NXF1: variants seen among roughly 807,000 people sequenced by gnomAD.
The protein encoded by NXF1 is mRNA export factor TAP.
Under a neutral mutation model 92.4 loss-of-function variants are expected in NXF1, and 43 were observed. The observed-to-expected ratio is 0.47, with a 90% CI of 0.36 to 0.60. NXF1 has a LOEUF of 0.60. Among genes scored for constraint, NXF1 ranks in the 20% least tolerant of loss-of-function variants. NXF1 has a pLI of 0.00. For synonymous variants in NXF1, 288 were observed against 292.2 expected, an observed-to-expected ratio of 0.99 and a Z score of 0.15; for missense variants, 576 against 793.0, an observed-to-expected ratio of 0.73 and a Z score of 3.29.
Position 62,794,246 on chromosome 11 carries a change from C to T in NXF1, c.1760+12G>A. ...TCAGTGCATCCCCATCCTACACATG[C>T]CCCGCACTCACTTCTGGGACCACTC... On this transcript the variant is annotated intron_variant, in intron 19 of 20. Transcript: ENST00000294172. The T allele has an allele frequency of 1.2e-6, 2 of 1,608,412 alleles. No homozygotes were observed. The highest frequency in any genetic ancestry group is 1.7e-6 in the Non-Finnish European group (2 of 1,175,296).
chr11:62,795,482 A>G (rs766123553), intron 17 of NXF1: 10 of 225,826 alleles, frequency 4.4e-5, no homozygotes. Flanking sequence ...CTCAAAAAAA[A>G]GTAATAACTA....
intron 18 of NXF1, 182 bp downstream of exon 18, chr11:62,794,753 G>A: frequency 1.6e-6 from 1 of 619,592 alleles, no homozygotes; most frequent in Non-Finnish European, 2.8e-6. Context: ...GAGCCAGGAT[G>A]AAAACCCAGA....
intron 19 of NXF1, among the ~76,000 whole-genome samples, chr11:62,793,226 G>A (rs575800499): frequency 6.6e-6 from 1 of 152,252 alleles, no homozygotes; most frequent in East Asian, 1.9e-4. Context: ...CTACAGGCGT[G>A]GAACGCCAAG....
chr11:62,797,117 T>C, intron 13 of NXF1, 66 bp downstream of exon 13: 1 of 1,356,462 alleles, frequency 7.4e-7, no homozygotes, highest in Non-Finnish European at 1.1e-6. Context: ...GATTGATGTG[T>C]GCCTGGGTCT....
chr11:62,800,559 C>A, intron 9 of NXF1, 73 bp from the exon 10 acceptor site: 1 of 945,650 alleles, frequency 1.1e-6, no homozygotes, highest in South Asian at 1.5e-5. Context: ...TACCCCCAGT[C>A]CCTACGCTTA....
intron 6 of NXF1, 41 bp from the exon 7 acceptor site, chr11:62,801,672 T>G: frequency 6.2e-7 from 1 of 1,601,746 alleles, no homozygotes; most frequent in Non-Finnish European, 8.6e-7. Flanking sequence ...TGGGTTTGTG[T>G]GTGGGGGGTG....
intron 13 of NXF1, 190 bp downstream of exon 13, chr11:62,796,993 G>C: frequency 1.7e-6 from 1 of 605,386 alleles, no homozygotes; most frequent in South Asian, 2.0e-5. Context: ...CTTGAACCCT[G>C]GGAGGCAGAG....
chr11:62,794,035 C>T (rs1342998475), intron 19 of NXF1, among the ~76,000 whole-genome samples: 3 of 151,390 alleles, frequency 2.0e-5, no homozygotes, highest in African/African-American at 4.9e-5. Flanking sequence ...AATAAGGTGG[C>T]ACATGCCTAT....
At chr11:62,799,616 G>A (rs2084457084) in intron 10 of NXF1, 2 of 985,734 alleles carry the variant, frequency 2.0e-6, no homozygotes, top group African/African-American at 3.5e-5. Context: ...GACGTGCAGT[G>A]TGTGAGTGAG....
chr11:62,804,333 C>A, intron 1 of NXF1: 1 of 577,646 alleles, frequency 1.7e-6, no homozygotes, highest in Non-Finnish European at 2.6e-6. Context: ...AGTGCAGACG[C>A]CAGTTACAAA....
intron 19 of NXF1, 121 bp from the exon 20 acceptor site, chr11:62,792,822 C>G (rs1210844772): frequency 2.6e-6 from 2 of 774,742 alleles, no homozygotes; most frequent in African/African-American, 3.5e-5. Context: ...CATCCTTGCA[C>G]TATTTATACA....
At chr11:62,795,824 G>A (rs1307868230) in intron 17 of NXF1, 77 bp downstream of exon 17, 3 of 1,340,090 alleles carry the variant, frequency 2.2e-6, no homozygotes, top group Non-Finnish European at 2.1e-6. Context: ...AAAGTAGCTG[G>A]GAAGCTAAGA....
intron 19 of NXF1, 128 bp downstream of exon 19, chr11:62,794,130 A>G (rs1408985337): frequency 1.3e-6 from 1 of 797,180 alleles, no homozygotes; most frequent in Non-Finnish European, 2.0e-6. Context: ...TCACCACTAT[A>G]CTCCAGCCTG....
At chr11:62,793,082 CTTTTTTTTT>C (rs5792271) in intron 19 of NXF1, among the ~76,000 whole-genome samples, 1 of 140,432 alleles carries the variant, frequency 7.1e-6, no homozygotes, top group African/African-American at 2.6e-5. Context: ...TTTCTGTTTG[CTTTTTTTTT>C]TTTTTTGAGA....
At position 62,801,805 on chromosome 11, in the gene NXF1, G is replaced by T. The variant is rs1359985213; in HGVS notation, c.573C>A (p.Ile191=). Residue 191 remains isoleucine, a synonymous_variant, in exon 6 of 21, where the codon ATC becomes ATA. Transcript: ENST00000294172. Reference sequence around the variant, plus strand: ...TAGTGTGGGGTGGAGCAGAAGAGTTGATGATGATAGATATCTGGAGGGAAG... The same window carrying T: ...TAGTGTGGGGTGGAGCAGAAGAGTTTATGATGATAGATATCTGGAGGGAAG... ...DRENRRISII[I]NSSAPPHTIL... The T allele has an allele frequency of 6.2e-7, 1 of 1,613,584 alleles. No homozygotes were observed. The highest frequency in any genetic ancestry group is 1.1e-5 in the South Asian group (1 of 91,060).
intron 7 of NXF1, 57 bp downstream of exon 7, chr11:62,801,505 C>A: frequency 6.2e-7 from 1 of 1,608,804 alleles, no homozygotes; most frequent in Non-Finnish European, 8.5e-7. Context: ...AACTTTCCCT[C>A]CCTGACAGAT....
chr11:62,797,172 G>A lies in NXF1; in HGVS notation c.1178+11C>T. On this transcript the variant is annotated intron_variant, in intron 13 of 20. Coordinates refer to ENST00000294172, the MANE Select transcript of NXF1 (RefSeq NM_006362.5). ...CCTCGGGGTGGGGAGGGGGGACCCT[G>A]GGATACTTACTGTTGCAGGAAGTGC... The A allele has an allele frequency of 6.2e-7, 1 of 1,613,654 alleles. No individual in the cohort carries two copies. The highest frequency in any genetic ancestry group is 8.5e-7 in the Non-Finnish European group (1 of 1,179,616).
At chr11:62,798,409 G>A in intron 11 of NXF1, 130 bp downstream of exon 11, 1 of 1,356,492 alleles carries the variant, frequency 7.4e-7, no homozygotes, top group Non-Finnish European at 9.8e-7. Flanking sequence ...ACTCCAGCCT[G>A]GGCGACGAGT....
chr11:62,792,367 C>G lies in NXF1; in HGVS notation c.*109G>C. 7.4e-7 allele frequency: 1 copy of G among 1,357,060 alleles called. No homozygotes were observed. Among genetic ancestry groups the G allele is most frequent in the Non-Finnish European group, 1.1e-6 (1 of 949,130 alleles). The allele number at this position is 1,357,060 out of a possible 1,614,324, so 84.1% of individuals were successfully genotyped here. A position where few individuals can be genotyped will look rare whatever the true frequency, so the allele number is the denominator to read the frequency against. On this transcript the variant is annotated 3_prime_UTR_variant, in exon 21 of 21. Transcript: ENST00000294172. ...CAGGCAGCCCTCCCTCCCTCGGTCA[C>G]AGTCACGGGGCGGCCTCGGGCCAGA...
Sources: gnomAD v4.1 joint callset for allele counts (sites outside exome capture counted in the v4.1 genomes callset) on GRCh38, gnomAD v4.1.1 for gene constraint, MANE v1.5 for transcripts, NCBI Gene and HGNC (gene_info 2026-07-23, HGNC 2026-07-21) for gene names.